The following MEF2C variants were observed in gnomAD, a reference collection of about 807,000 sequenced individuals.
The protein encoded by MEF2C is myocyte enhancer factor 2C.
In MEF2C, 6 loss-of-function variants were observed where a neutral mutation model predicts 50.5. The observed-to-expected ratio is 0.12, with a 90% confidence interval of 0.07 to 0.23. The LOEUF is 0.23. Ranked by LOEUF, MEF2C falls within the 10% of genes least tolerant of loss-of-function variation. MEF2C has a pLI of 1.00. For synonymous variants in MEF2C, 183 were observed against 228.0 expected (o/e 0.80, Z 1.78); for missense variants, 276 against 605.0 (o/e 0.46, Z 5.70).
At chr5:88,806,699 A>G (rs576330760) in intron 2 of MEF2C, among the ~76,000 whole-genome samples, 2 of 152,300 alleles carry the variant, frequency 1.3e-5, no homozygotes, top group East Asian at 3.9e-4. Context: ...TTATATTTTC[A>G]AATATACAAA....
chr5:88,807,755 AAG>A (rs1409491924), intron 2 of MEF2C, among the ~76,000 whole-genome samples: 1 of 152,204 alleles, frequency 6.6e-6, no homozygotes, highest in Non-Finnish European at 1.5e-5. Flanking sequence ...TGGTGACTTG[AAG>A]AGTCTACCAG....
intron 1 of MEF2C, among the ~76,000 whole-genome samples, chr5:88,853,185 T>C (rs1420142535): frequency 6.6e-6 from 1 of 152,162 alleles, no homozygotes; most frequent in Admixed American, 6.5e-5. Flanking sequence ...GATAGCACCA[T>C]TGTACTCCAG....
intron 3 of MEF2C, chr5:88,771,755 T>C (rs1782500949): frequency 7.8e-6 from 2 of 257,016 alleles, no homozygotes; most frequent in South Asian, 2.9e-4. Context: ...CAGTACTATT[T>C]ATTTGTTTTA....
At chr5:88,845,741 G>T (rs1216154240) in intron 1 of MEF2C, among the ~76,000 whole-genome samples, 1 of 151,984 alleles carries the variant, frequency 6.6e-6, no homozygotes. Flanking sequence ...ACTAACTTAT[G>T]GTGCAGAAAA....
chr5:88,819,655 C>T (rs1242536226), intron 2 of MEF2C, among the ~76,000 whole-genome samples: 1 of 151,990 alleles, frequency 6.6e-6, no homozygotes, highest in East Asian at 1.9e-4. Flanking sequence ...TTTCATAGCA[C>T]ATATAAGTGA....
chr5:88,891,120 A>G (rs945915361), intron 1 of MEF2C, among the ~76,000 whole-genome samples: 1 of 152,326 alleles, frequency 6.6e-6, no homozygotes, highest in Non-Finnish European at 1.5e-5. Flanking sequence ...CTAAAAATGT[A>G]TTATTGGTAG....
chr5:88,874,445 T>C (rs189519088), intron 1 of MEF2C, among the ~76,000 whole-genome samples: 45 of 152,082 alleles, frequency 3.0e-4, no homozygotes, highest in African/African-American at 1.1e-3. Context: ...TGTCAGAAAG[T>C]ATTGACTCAT....
At chr5:88,736,052 C>G in intron 6 of MEF2C, 1 of 985,354 alleles carries the variant, frequency 1.0e-6, no homozygotes, top group Non-Finnish European at 1.2e-6. Context: ...TTTAATCTAC[C>G]AAACTGTCAT....
At chr5:88,765,679 T>C (rs751525390) in intron 3 of MEF2C, among the ~76,000 whole-genome samples, 1 of 152,224 alleles carries the variant, frequency 6.6e-6, no homozygotes. Flanking sequence ...GGTCAGGTAA[T>C]GTAGGTACTT....
intron 1 of MEF2C, among the ~76,000 whole-genome samples, chr5:88,863,689 C>T (rs1187154478): frequency 6.6e-6 from 1 of 152,206 alleles, no homozygotes; most frequent in Non-Finnish European, 1.5e-5. Flanking sequence ...CTACTCTCTA[C>T]TTCTGTAAAT....
intron 1 of MEF2C, chr5:88,838,608 A>C (rs2153293073): frequency 1.0e-6 from 1 of 985,294 alleles, no homozygotes; most frequent in East Asian, 1.1e-4. Context: ...TCTCATCCCC[A>C]AAGCTTGAAG....
At chr5:88,875,325 T>C (rs1016831482) in intron 1 of MEF2C, among the ~76,000 whole-genome samples, 1 of 152,006 alleles carries the variant, frequency 6.6e-6, no homozygotes, top group African/African-American at 2.4e-5. Flanking sequence ...TCATTTAAAG[T>C]GTGGGTGTTT....
chr5:88,829,658 C>G (rs1356629973), intron 1 of MEF2C, among the ~76,000 whole-genome samples: 1 of 152,000 alleles, frequency 6.6e-6, no homozygotes, highest in African/African-American at 2.4e-5. Flanking sequence ...TCACTTAATA[C>G]TTCGCCATAT....
intron 6 of MEF2C, chr5:88,733,771 T>G (rs1452483164): frequency 2.0e-6 from 2 of 985,184 alleles, no homozygotes; most frequent in Admixed American, 6.2e-5. Flanking sequence ...ATTATCCCAG[T>G]TCCTGGGGCA....
At chr5:88,871,846 C>T (rs762388345) in intron 1 of MEF2C, among the ~76,000 whole-genome samples, 4 of 151,972 alleles carry the variant, frequency 2.6e-5, no homozygotes, top group Non-Finnish European at 4.4e-5. Flanking sequence ...TTCACTTATT[C>T]ATCATCTCAA....
At chr5:88,755,244 A>G (rs1774759185) in intron 4 of MEF2C, among the ~76,000 whole-genome samples, 1 of 152,170 alleles carries the variant, frequency 6.6e-6, no homozygotes, top group African/African-American at 2.4e-5. Context: ...ACTGTATATT[A>G]CTTATTGAGC....
At chr5:88,878,064 T>C (rs1433324618) in intron 1 of MEF2C, 1 of 152,036 alleles carries the variant, frequency 6.6e-6, no homozygotes, top group South Asian at 2.1e-4. Context: ...TTGAAATGTG[T>C]CCAACAATTG....
chr5:88,797,845 G>A (rs1244026735), intron 3 of MEF2C, among the ~76,000 whole-genome samples: 1 of 152,134 alleles, frequency 6.6e-6, no homozygotes, highest in Non-Finnish European at 1.5e-5. Context: ...GCCTAGTGGT[G>A]ACAAAATCTC....
At chr5:88,844,710 C>A (rs1477878626) in intron 1 of MEF2C, 1 of 390,636 alleles carries the variant, frequency 2.6e-6, no homozygotes, top group Non-Finnish European at 3.5e-6. Context: ...AACTCTTTTC[C>A]TCATGGTTAA....
Sources: allele counts gnomAD v4.1 joint callset (sites outside exome capture counted in the v4.1 genomes callset), GRCh38; gene constraint gnomAD v4.1.1; transcripts MANE v1.5; gene names NCBI Gene and HGNC (gene_info 2026-07-23, HGNC 2026-07-21).